The following GSE1 variants were observed in gnomAD, a reference collection of about 807,000 sequenced individuals.
GSE1 encodes genetic suppressor element 1.
Under a neutral mutation model 112.6 loss-of-function variants are expected in GSE1, and 32 were observed. That is an observed-to-expected ratio of 0.28 (90% CI 0.21 to 0.38). The LOEUF (loss-of-function observed/expected upper bound fraction) is 0.38, where lower values mean the gene tolerates loss of function less well. Ranked by LOEUF, GSE1 falls within the 10% of genes least tolerant of loss-of-function variation. The pLI, the probability that GSE1 is intolerant of heterozygous loss-of-function variation, is 1.00. For missense variants in GSE1, 2,348 were observed against 1,699.2 expected, an observed-to-expected ratio of 1.38 and a Z score of -6.71; for synonymous variants, 1,115 against 735.6, an observed-to-expected ratio of 1.52 and a Z score of -8.35.
At chr16:85,194,474 A>T (rs935144741) in intron 1 of GSE1, among the ~76,000 whole-genome samples, 1 of 151,964 alleles carries the variant, frequency 6.6e-6, no homozygotes. Context: ...ATCAGGATTC[A>T]GACTGGTTAC....
At chr16:85,455,685 C>T (rs2049807267) in intron 2 of GSE1, among the ~76,000 whole-genome samples, 1 of 152,246 alleles carries the variant, frequency 6.6e-6, no homozygotes, top group African/African-American at 2.4e-5. Flanking sequence ...CTGCAAGCTG[C>T]CTCCCCCGCA....
intron 2 of GSE1, among the ~76,000 whole-genome samples, chr16:85,404,124 T>C (rs1239776250): frequency 5.8e-5 from 7 of 120,448 alleles, no homozygotes; most frequent in African/African-American, 2.3e-4. Flanking sequence ...ACTGTTACAC[T>C]CAGGGCCCCC....
At chr16:85,204,784 G>C (rs141935873) in intron 1 of GSE1, among the ~76,000 whole-genome samples, 2,045 of 152,282 alleles carry the variant, frequency 0.013, 165 homozygotes, top group Admixed American at 0.12. Flanking sequence ...ACATGTCTCT[G>C]AATTCCCTGC....
chr16:85,466,826 A>G (rs2050138372), intron 2 of GSE1, among the ~76,000 whole-genome samples: 1 of 152,148 alleles, frequency 6.6e-6, no homozygotes, highest in Admixed American at 6.5e-5. Context: ...TTGGGAGGCC[A>G]AGGCAGGCAG....
At chr16:85,315,670 G>C (rs140409202) in intron 1 of GSE1, among the ~76,000 whole-genome samples, 1 of 152,160 alleles carries the variant, frequency 6.6e-6, no homozygotes, top group African/African-American at 2.4e-5. Context: ...AGTACGCACC[G>C]GTTCCATTTG....
intron 2 of GSE1, among the ~76,000 whole-genome samples, chr16:85,512,927 A>G (rs1049477876): frequency 3.9e-5 from 6 of 152,192 alleles, no homozygotes; most frequent in Admixed American, 2.6e-4. Flanking sequence ...TGGAAGGGCT[A>G]GCTACAACCA....
intron 2 of GSE1, among the ~76,000 whole-genome samples, chr16:85,522,677 G>A (rs2052227487): frequency 6.6e-6 from 1 of 152,226 alleles, no homozygotes; most frequent in Non-Finnish European, 1.5e-5. Context: ...GTCCGTGAGT[G>A]TGAGGGCGTG....
At chr16:85,651,164 C>G (rs1288898584) in intron 3 of GSE1, among the ~76,000 whole-genome samples, 1 of 149,812 alleles carries the variant, frequency 6.7e-6, no homozygotes, top group Non-Finnish European at 1.5e-5. Context: ...CACAGATGCG[C>G]CCTGATGCGT....
chr16:85,331,931 G>A (rs9924159), intron 1 of GSE1, among the ~76,000 whole-genome samples: 38,919 of 151,704 alleles, frequency 0.26, 5,219 homozygotes, highest in Non-Finnish European at 0.31. Context: ...TTTAATGAGC[G>A]CATGCAGCCT....
chr16:85,433,465 C>T (rs190890072), intron 2 of GSE1, among the ~76,000 whole-genome samples: 36 of 152,290 alleles, frequency 2.4e-4, no homozygotes, highest in Admixed American at 1.3e-3. Context: ...TGGCCACCCC[C>T]AGGGACCTCT....
chr16:85,198,274 T>C (rs1198209936), intron 1 of GSE1, among the ~76,000 whole-genome samples: 1 of 152,058 alleles, frequency 6.6e-6, no homozygotes, highest in Non-Finnish European at 1.5e-5. Context: ...TTCCTGGCTG[T>C]AAAAGGGGAG....
rs559888825 is a variant in GSE1, at chr16:85,415,317, G to A, written c.2464+57674G>A. Among the ~76,000 whole-genome samples the A allele has an allele frequency of 5.9e-5, 9 of 152,342 alleles. No individual in the cohort carries two copies. The South Asian group carries it at 1.7e-3, about 28-fold the overall frequency. Reference sequence around the variant, plus strand: ...TGGGGAGGGAGTGTGTCCTCTTCATGTCTACAGAGGACCTACAGCAGACGA... The same window carrying A: ...TGGGGAGGGAGTGTGTCCTCTTCATATCTACAGAGGACCTACAGCAGACGA... On this transcript the variant is annotated intron_variant, in intron 2 of 2. Coordinates refer to the GSE1 transcript ENST00000637419.
intron 2 of GSE1, among the ~76,000 whole-genome samples, chr16:85,431,746 G>A (rs2049127578): frequency 6.6e-6 from 1 of 152,180 alleles, no homozygotes; most frequent in Non-Finnish European, 1.5e-5. Context: ...GGGCCCAGAG[G>A]GTATCTGGGC....
intron 2 of GSE1, among the ~76,000 whole-genome samples, chr16:85,408,682 G>A (rs1353473300): frequency 3.4e-5 from 2 of 58,900 alleles, no homozygotes; most frequent in Non-Finnish European, 6.6e-5. Context: ...TTACACTCAG[G>A]GCCCCCCGGA....
intron 1 of GSE1, among the ~76,000 whole-genome samples, chr16:85,254,279 T>C (rs1386554654): frequency 6.6e-6 from 1 of 152,120 alleles, no homozygotes; most frequent in Non-Finnish European, 1.5e-5. Context: ...GAACAGGTGG[T>C]GGGACCCAGC....
At chr16:85,584,612 G>C (rs1341018799) in intron 1 of GSE1, among the ~76,000 whole-genome samples, 1 of 152,094 alleles carries the variant, frequency 6.6e-6, no homozygotes, top group Non-Finnish European at 1.5e-5. Context: ...TTCTTTCTCA[G>C]ATGGCAGCGT....
chr16:85,411,083 C>A (rs908237448), intron 2 of GSE1, among the ~76,000 whole-genome samples: 1 of 126,764 alleles, frequency 7.9e-6, no homozygotes. Context: ...CTCAGGGTCC[C>A]CCGGATAATC....
At chr16:85,313,900 C>G (rs1021354474) in intron 1 of GSE1, among the ~76,000 whole-genome samples, 2 of 150,548 alleles carry the variant, frequency 1.3e-5, no homozygotes, top group Non-Finnish European at 3.0e-5. Context: ...TGATGTGCTA[C>G]AGCACTAGTC....
chr16:85,572,344 C>T (rs1322075587), intron 1 of GSE1, among the ~76,000 whole-genome samples: 3 of 146,176 alleles, frequency 2.1e-5, no homozygotes, highest in East Asian at 2.1e-4. Context: ...ACATACCCCT[C>T]CACACACAAC....
Sources: allele counts gnomAD v4.1 joint callset (sites outside exome capture counted in the v4.1 genomes callset), GRCh38; gene constraint gnomAD v4.1.1; transcripts MANE v1.5; gene names NCBI Gene and HGNC (gene_info 2026-07-23, HGNC 2026-07-21).